Variants in TPRG1 observed in about 807,000 individuals in gnomAD.
TPRG1 encodes the protein tumor protein p63-regulated gene 1 protein.
TPRG1 carries 29 observed loss-of-function variants against 29.3 expected under a neutral mutation model. The ratio of observed to expected loss-of-function variants is 0.99; its 90% CI spans 0.74 to 1.35. The LOEUF is 1.35. TPRG1 is among the 40% of genes most tolerant of loss of function. The pLI is 0.00. For missense variants in TPRG1, 327 were observed against 335.0 expected (o/e 0.98, Z 0.19); for synonymous variants, 130 against 116.8 (o/e 1.11, Z -0.73).
chr3:189,183,336 G>A (rs1192047555), intron 1 of TPRG1, among the ~76,000 whole-genome samples: 1 of 152,128 alleles, frequency 6.6e-6, no homozygotes, highest in African/African-American at 2.4e-5. Flanking sequence ...AATATCGCAA[G>A]GCAAATGGAG....
intron 4 of TPRG1, among the ~76,000 whole-genome samples, chr3:189,072,680 A>G (rs147160542): frequency 4.8e-4 from 73 of 152,210 alleles, no homozygotes; most frequent in Non-Finnish European, 8.8e-4. Context: ...AGATTTTGCA[A>G]GTATTTTTTA....
intron 4 of TPRG1, among the ~76,000 whole-genome samples, chr3:189,308,198 A>AGATTCC (rs141622007): frequency 6.6e-6 from 1 of 152,104 alleles, no homozygotes; most frequent in African/African-American, 2.4e-5. Flanking sequence ...GAAATGATTC[A>AGATTCC]GATTCAGAAA....
intron 4 of TPRG1, among the ~76,000 whole-genome samples, chr3:189,291,298 A>G (rs962898100): frequency 1.3e-5 from 2 of 152,190 alleles, no homozygotes; most frequent in African/African-American, 4.8e-5. Context: ...CCAACCAAAC[A>G]GAAATAATAA....
intron 4 of TPRG1, among the ~76,000 whole-genome samples, chr3:189,044,360 A>G (rs2152136121): frequency 6.6e-6 from 1 of 152,154 alleles, no homozygotes; most frequent in Middle Eastern, 3.4e-3. Context: ...TTTGAGACCA[A>G]CCTGGCCAAC....
chr3:189,322,292 A>G lies in TPRG1; in HGVS notation c.*1472A>G, dbSNP rs537632243. The G allele has an allele frequency of 3.3e-5, 5 of 152,494 alleles. No homozygotes were observed. Among genetic ancestry groups the G allele is most frequent in the South Asian group, 2.1e-4 (1 of 4,820 alleles). 9.4% of individuals were successfully genotyped at this position (152,494 alleles called of 1,614,324 possible). On this transcript the variant is annotated 3_prime_UTR_variant, in exon 6 of 6. Coordinates refer to ENST00000345063, the MANE Select transcript of TPRG1 (RefSeq NM_198485.4). ...CAAAGATTTGTCCTCTGATATATTT[A>G]TAAACATCAATTTAATGCAGACATT...
intron 1 of TPRG1, among the ~76,000 whole-genome samples, chr3:189,173,970 T>C (rs1729159875): frequency 6.6e-6 from 1 of 152,180 alleles, no homozygotes; most frequent in African/African-American, 2.4e-5. Flanking sequence ...TTCGGCCAAA[T>C]GTTGGAGCTG....
intron 4 of TPRG1, among the ~76,000 whole-genome samples, chr3:189,280,807 T>C (rs919047419): frequency 6.6e-5 from 10 of 152,238 alleles, no homozygotes; most frequent in Admixed American, 6.5e-5. Context: ...ATCATAGCGT[T>C]GTATTAAAGA....
chr3:189,177,494 G>A (rs1316869522), intron 1 of TPRG1, among the ~76,000 whole-genome samples: 2 of 150,902 alleles, frequency 1.3e-5, no homozygotes, highest in African/African-American at 2.4e-5. Context: ...ACATATATAT[G>A]TCTGTTTATA....
upstream of TPRG1, among the ~76,000 whole-genome samples, chr3:189,097,432 T>C (rs1295646784): frequency 2.0e-5 from 3 of 152,202 alleles, no homozygotes; most frequent in Admixed American, 1.3e-4. Context: ...ATGTGTTTCA[T>C]GAAAAAAGCA....
chr3:189,302,226 G>A (rs1340132514), intron 4 of TPRG1, among the ~76,000 whole-genome samples: 1 of 152,020 alleles, frequency 6.6e-6, no homozygotes, highest in Non-Finnish European at 1.5e-5. Flanking sequence ...TATATCTTTC[G>A]AGGTCCTTGC....
chr3:189,190,231 A>C lies in TPRG1; in HGVS notation c.-9-17145A>C, dbSNP rs147947446. Among the ~76,000 whole-genome samples, 68 of 152,340 alleles carry C rather than the reference A, an allele frequency of 4.5e-4. 2 individuals are homozygous for C. Among genetic ancestry groups the C allele is most frequent in the African/African-American group, 1.5e-3 (64 of 41,580 alleles). Reference sequence around the variant, plus strand: ...TCTCTGTTCACAAATAGGACATATTATATAAGCCACAGATGTTCTTTCACT... The same window carrying C: ...TCTCTGTTCACAAATAGGACATATTCTATAAGCCACAGATGTTCTTTCACT... On this transcript the variant is annotated intron_variant, in intron 1 of 5. Coordinates refer to ENST00000345063, the MANE Select transcript of TPRG1 (RefSeq NM_198485.4).
upstream of TPRG1, among the ~76,000 whole-genome samples, chr3:189,098,313 G>A (rs1010968792): frequency 1.2e-4 from 18 of 152,144 alleles, no homozygotes; most frequent in African/African-American, 2.4e-5. Context: ...AAAATAAGAC[G>A]AAAGGAAGGG....
At chr3:189,039,840 T>A (rs62291216) in intron 4 of TPRG1, among the ~76,000 whole-genome samples, 1 of 34,696 alleles carries the variant, frequency 2.9e-5, no homozygotes, top group African/African-American at 4.5e-5. Context: ...TTCTCACTCC[T>A]ATTTTTTTTT....
chr3:189,124,371 G>T (rs553473758), intron 1 of TPRG1, among the ~76,000 whole-genome samples: 2 of 152,110 alleles, frequency 1.3e-5, no homozygotes, highest in Non-Finnish European at 2.9e-5. Flanking sequence ...GTGATTTAAA[G>T]CAATGGCTTT....
At chr3:189,010,487 G>C (rs1328302407) in intron 3 of TPRG1, among the ~76,000 whole-genome samples, 1 of 152,176 alleles carries the variant, frequency 6.6e-6, no homozygotes, top group Non-Finnish European at 1.5e-5. Context: ...ACTGGTGTGA[G>C]ATGGTATCTC....
intron 4 of TPRG1, among the ~76,000 whole-genome samples, chr3:189,049,913 T>C (rs993900157): frequency 9.9e-5 from 15 of 152,004 alleles, no homozygotes; most frequent in African/African-American, 3.6e-4. Flanking sequence ...TATCAAAACC[T>C]CTGGGATACA....
At chr3:189,222,006 G>T (rs951183646) in intron 3 of TPRG1, among the ~76,000 whole-genome samples, 4 of 151,362 alleles carry the variant, frequency 2.6e-5, no homozygotes, top group African/African-American at 9.7e-5. Context: ...AGTGATCACT[G>T]CAGTTCAAAT....
intron 4 of TPRG1, among the ~76,000 whole-genome samples, chr3:189,276,326 G>A (rs943324988): frequency 1.3e-5 from 2 of 152,114 alleles, no homozygotes; most frequent in African/African-American, 4.8e-5. Context: ...AAGTGGAAGA[G>A]CATTTTAAAA....
intron 3 of TPRG1, among the ~76,000 whole-genome samples, chr3:189,222,827 T>A (rs1737142432): frequency 6.6e-6 from 1 of 152,218 alleles, no homozygotes; most frequent in Admixed American, 6.5e-5. Context: ...AACTGCCTGC[T>A]GTTTCCCCAA....
Sources: allele counts gnomAD v4.1 joint callset (sites outside exome capture counted in the v4.1 genomes callset), GRCh38; gene constraint gnomAD v4.1.1; transcripts MANE v1.5; gene names NCBI Gene and HGNC (gene_info 2026-07-23, HGNC 2026-07-21).